The following OR2A12 variants were observed in gnomAD, a reference collection of about 807,000 sequenced individuals.
OR2A12 encodes the protein olfactory receptor 2A12.
For missense variants in OR2A12, 380 were observed against 372.5 expected (o/e 1.02, Z -0.17); for synonymous variants, 153 against 149.3 (o/e 1.02, Z -0.18).
intron 1 of OR2A12, among the ~76,000 whole-genome samples, chr7:144,087,045 C>G (rs796279111): frequency 2.6e-5 from 4 of 151,720 alleles, no homozygotes; most frequent in African/African-American, 9.6e-5. Flanking sequence ...GTAGATCACT[C>G]TGGTTCATGG....
intron 1 of OR2A12, among the ~76,000 whole-genome samples, chr7:144,089,194 T>C (rs1586899517): frequency 6.6e-6 from 1 of 152,196 alleles, no homozygotes; most frequent in African/African-American, 2.4e-5. Flanking sequence ...TTTCTTTTCA[T>C]TATTATTGTA....
intron 1 of OR2A12, among the ~76,000 whole-genome samples, chr7:144,091,063 T>A (rs192575414): frequency 3.3e-5 from 5 of 152,382 alleles, no homozygotes; most frequent in Non-Finnish European, 1.5e-5. Context: ...ATGGGATTGC[T>A]GAGTCAAATG....
At chr7:144,092,206 T>C (rs989405984) in intron 1 of OR2A12, among the ~76,000 whole-genome samples, 1 of 152,170 alleles carries the variant, frequency 6.6e-6, no homozygotes, top group Non-Finnish European at 1.5e-5. Flanking sequence ...CTTCCATTGG[T>C]CTATGTGTCT....
rs749212142 is a variant in OR2A12 at position 144,095,500 on chromosome 7, C to T, written c.393C>T (p.Tyr131=). Residue 131 remains tyrosine (Y), a synonymous_variant, in exon 2 of 2, where the codon TAC becomes TAT. Coordinates refer to ENST00000641592, the MANE Select transcript of OR2A12 (RefSeq NM_001004135.2). ...RYVAICHPLQ[Y]TLIMNWRVCT... ...TGGCAATCTGTCACCCCTTGCAATA[C>T]ACCCTCATTATGAACTGGAGAGTGT... 3.2e-5 allele frequency: 51 copies of T among 1,613,782 alleles called. No homozygotes were observed. The highest frequency in any genetic ancestry group is 3.3e-4 in the Middle Eastern group (2 of 6,082).
Position 144,086,359 on chromosome 7 carries a change from T to C in OR2A12, c.-236T>C, listed in dbSNP as rs973679324. 3 of 152,720 alleles carry C rather than the reference T, an allele frequency of 2.0e-5. No homozygotes were observed. The highest frequency in any genetic ancestry group is 6.5e-5 in the Admixed American group (1 of 15,282). The allele number at this position is 152,720 out of a possible 1,614,324, so 9.5% of individuals were successfully genotyped here. ...TTCTTTGCATAAGCAGGAACACAAGTGCACATGCGTGCACACACACACAAA... is the reference window on the plus strand; with the variant it reads ...TTCTTTGCATAAGCAGGAACACAAGCGCACATGCGTGCACACACACACAAA... On this transcript the variant is annotated 5_prime_UTR_variant, in exon 1 of 2. Transcript: ENST00000641592.
chr7:144,089,519 C>T (rs1563040790), intron 1 of OR2A12, among the ~76,000 whole-genome samples: 1 of 151,930 alleles, frequency 6.6e-6, no homozygotes. Context: ...TATACACAGA[C>T]TTATTTATAC....
intron 1 of OR2A12, among the ~76,000 whole-genome samples, chr7:144,094,462 C>T (rs1367304832): frequency 6.6e-6 from 1 of 152,158 alleles, no homozygotes; most frequent in Admixed American, 6.6e-5. Flanking sequence ...AGCTAAGTTC[C>T]AGGTATTACT....
chr7:144,095,531 G>C lies in OR2A12; in HGVS notation c.424G>C (p.Val142Leu). Residue 142 changes from valine (V) to leucine (L), a missense_variant, in exon 2 of 2, where the codon GTC becomes CTC. By Grantham distance (32) the Val-to-Leu change is conservative. Transcript: ENST00000641592. The part of the protein sequence containing the change: ...TLIMNWRVCT[V>L]LASTCWIFSF... ...CATTATGAACTGGAGAGTGTGCACT[G>C]TCCTGGCCTCAACTTGCTGGATATT... 6.2e-7 allele frequency: 1 copy of C among 1,614,046 alleles called. No homozygotes were observed. Among genetic ancestry groups the C allele is most frequent in the Non-Finnish European group, 8.5e-7 (1 of 1,179,970 alleles).
At chr7:144,091,094 T>G (rs1198417742) in intron 1 of OR2A12, among the ~76,000 whole-genome samples, 1 of 152,204 alleles carries the variant, frequency 6.6e-6, no homozygotes, top group Admixed American at 6.5e-5. Context: ...TTTTAGTTCT[T>G]TAAGAAATCT....
chr7:144,095,886 C>G lies in OR2A12; in HGVS notation c.779C>G (p.Ala260Gly). 6.2e-7 allele frequency: 1 copy of G among 1,614,086 alleles called. No individual in the cohort carries two copies. Residue 260 changes from alanine (A) to glycine (G), a missense_variant, in exon 2 of 2, where the codon GCC becomes GGC. Ala to Gly is a moderately conservative substitution (Grantham distance 60, BLOSUM62 0). Coordinates refer to ENST00000641592, the MANE Select transcript of OR2A12 (RefSeq NM_001004135.2). ...FFGSAIVMYMAPKSSHSQERR... is the reference protein window; with the variant it reads ...FFGSAIVMYMGPKSSHSQERR... ...GGCAGCGCCATTGTCATGTACATGG[C>G]CCCCAAGTCAAGCCATTCTCAAGAA...
At position 144,097,482 on chromosome 7, in the gene OR2A12, G is replaced by A. The variant is rs143992070; in HGVS notation, c.*1442G>A. Reference sequence around the variant, plus strand: ...ATCCCAATCAATATCGCAGCAGGGTGTGTGGATGTGTGCAGAACTCAACAA... The same window carrying A: ...ATCCCAATCAATATCGCAGCAGGGTATGTGGATGTGTGCAGAACTCAACAA... On this transcript the variant is annotated 3_prime_UTR_variant, in exon 2 of 2. Coordinates refer to ENST00000641592, the MANE Select transcript of OR2A12 (RefSeq NM_001004135.2). The A allele has an allele frequency of 6.6e-6, 1 of 152,274 alleles. No homozygotes were observed. Among genetic ancestry groups the A allele is most frequent in the South Asian group, 2.1e-4 (1 of 4,822 alleles). 9.4% of individuals were successfully genotyped at this position (152,274 alleles called of 1,614,324 possible).
At chr7:144,087,322 T>C (rs2051194191) in intron 1 of OR2A12, among the ~76,000 whole-genome samples, 1 of 152,150 alleles carries the variant, frequency 6.6e-6, no homozygotes, top group Admixed American at 6.5e-5. Flanking sequence ...CTCTCCTATT[T>C]CTTCTAATAG....
chr7:144,096,312 G>A lies in OR2A12; in HGVS notation c.*272G>A, dbSNP rs973518228. The stretch of plus-strand genomic sequence containing the variant: ...TCTATTAAAAATACAAAAATTAGCC[G>A]GGCGTGCTGGTGGGCGCCTGTAATC... On this transcript the variant is annotated 3_prime_UTR_variant, in exon 2 of 2. Coordinates refer to ENST00000641592, the MANE Select transcript of OR2A12 (RefSeq NM_001004135.2). 7.9e-5 allele frequency: 18 copies of A among 227,124 alleles called. No homozygotes were observed. Among genetic ancestry groups the A allele is most frequent in the Admixed American group, 3.6e-4 (7 of 19,378 alleles). 14.1% of individuals were successfully genotyped at this position (227,124 alleles called of 1,614,324 possible).
rs759960072 is a variant in OR2A12 at position 144,095,527 on chromosome 7, C to A, written c.420C>A (p.Cys140Ter). 2.5e-6 allele frequency: 4 copies of A among 1,614,080 alleles called. No homozygotes were observed. The highest frequency in any genetic ancestry group is 2.2e-5 in the South Asian group (2 of 91,074). The part of the protein sequence containing the change: ...QYTLIMNWRV[C>*]TVLASTCWIF... ...CCCTCATTATGAACTGGAGAGTGTG[C>A]ACTGTCCTGGCCTCAACTTGCTGGA... Residue 140 changes from cysteine to a stop codon, truncating the protein, a stop_gained, in exon 2 of 2, where the codon TGC becomes TGA. Coordinates refer to ENST00000641592, the MANE Select transcript of OR2A12 (RefSeq NM_001004135.2). LOFTEE classifies it low-confidence loss of function (END_TRUNC).
rs202166892 is a variant in OR2A12, at chr7:144,089,567, C to CT, written c.-52+3032dup. The stretch of plus-strand genomic sequence containing the variant: ...TGTTTTCTATTTGTCAAAAAAATTG[C>CT]TTTTTTTTCTTTTTTGGCCTGCTGT... On this transcript the variant is annotated intron_variant, in intron 1 of 1. Coordinates refer to ENST00000641592, the MANE Select transcript of OR2A12 (RefSeq NM_001004135.2). 5.0e-5 allele frequency among the ~76,000 whole-genome samples: 7 copies of CT among 138,936 alleles called. No individual in the cohort carries two copies. In the East Asian group the frequency reaches 1.2e-3, roughly 23 times the overall value. The allele number at this position is 138,936 out of a possible 152,430, so 91.1% of individuals were successfully genotyped here. A position where few individuals can be genotyped will look rare whatever the true frequency, so the allele number is the denominator to read the frequency against.
intron 1 of OR2A12, among the ~76,000 whole-genome samples, chr7:144,093,134 G>A (rs1023405580): frequency 6.6e-6 from 1 of 151,958 alleles, no homozygotes; most frequent in African/African-American, 2.4e-5. Flanking sequence ...ATTTCAATTT[G>A]CTTGAGTATA....
intron 1 of OR2A12, among the ~76,000 whole-genome samples, chr7:144,093,510 G>C (rs935083833): frequency 6.6e-6 from 1 of 151,510 alleles, no homozygotes; most frequent in Non-Finnish European, 1.5e-5. Context: ...TAAGTTTTAG[G>C]GTACATGTGC....
chr7:144,089,356 C>CTG (rs1257714987), intron 1 of OR2A12, among the ~76,000 whole-genome samples: 3 of 150,518 alleles, frequency 2.0e-5, no homozygotes, highest in African/African-American at 4.9e-5. Flanking sequence ...GCGTCTGCGT[C>CTG]TGTGTGTGTG....
rs2051252909 is a variant in OR2A12, at chr7:144,095,191, G to A, written c.84G>A (p.Gly28=). ...CAGCTCTGGAGTTGTTCCTCTTTGGGTTTTTCTTGCTATTCTACAGCTTAA... is the reference window on the plus strand; with the variant it reads ...CAGCTCTGGAGTTGTTCCTCTTTGGATTTTTCTTGCTATTCTACAGCTTAA... ...VDPALELFLF[G]FFLLFYSLTL... Residue 28 remains glycine (G), a synonymous_variant, in exon 2 of 2, where the codon GGG becomes GGA. Transcript: ENST00000641592. The A allele has an allele frequency of 1.9e-6, 3 of 1,614,042 alleles. No individual in the cohort carries two copies. Among genetic ancestry groups the A allele is most frequent in the Non-Finnish European group, 2.5e-6 (3 of 1,179,978 alleles).
Sources: gnomAD v4.1 joint callset for allele counts (sites outside exome capture counted in the v4.1 genomes callset) on GRCh38, gnomAD v4.1.1 for gene constraint, MANE v1.5 for transcripts, NCBI Gene and HGNC (gene_info 2026-07-23, HGNC 2026-07-21) for gene names.